ANKRD62: variants seen among roughly 807,000 people sequenced by gnomAD.
ANKRD62 encodes ankyrin repeat domain 62.
ANKRD62 carries 61 observed loss-of-function variants against 98.8 expected under a neutral mutation model. That is an observed-to-expected ratio of 0.62 (90% CI 0.50 to 0.76). ANKRD62 has a LOEUF of 0.76. Among genes scored for constraint, ANKRD62 ranks in the 30% least tolerant of loss-of-function variants. ANKRD62 has a pLI of 0.00. For synonymous variants in ANKRD62, 341 were observed against 367.9 expected (o/e 0.93, Z 0.84); for missense variants, 933 against 1,082.9 (o/e 0.86, Z 1.94).
At chr18:12,170,165 C>A in the ANKRD62 span, among the ~76,000 whole-genome samples, 1 of 152,316 alleles carries the variant, frequency 6.6e-6, no homozygotes, top group Non-Finnish European at 1.5e-5. Context: ...TTCTTGCCTT[C>A]TGCTAGCTTT....
chr18:12,174,204 T>G, the ANKRD62 span, among the ~76,000 whole-genome samples: 15 of 152,332 alleles, frequency 9.8e-5, no homozygotes, highest in African/African-American at 3.6e-4. Context: ...TTATTCTTGT[T>G]TTTCTTTCTG....
At chr18:12,123,819 C>T (rs1909831040) in intron 11 of ANKRD62, among the ~76,000 whole-genome samples, 2 of 152,182 alleles carry the variant, frequency 1.3e-5, no homozygotes, top group South Asian at 4.1e-4. Context: ...CTAAATGATT[C>T]ATCCTGACTG....
At chr18:12,167,945 A>G in the ANKRD62 span, among the ~76,000 whole-genome samples, 5 of 151,924 alleles carry the variant, frequency 3.3e-5, no homozygotes, top group Non-Finnish European at 7.4e-5. Flanking sequence ...AGAACTATCT[A>G]TTCATATGCT....
chr18:12,125,647 G>A lies in ANKRD62; in HGVS notation c.1826G>A (p.Arg609Gln), dbSNP rs771616879. Residue 609 changes from arginine to glutamine, a missense_variant, in exon 13 of 14, where the codon CGG becomes CAG. Arg to Gln is a conservative substitution (Grantham distance 43). Around this residue, in one of 3 missense-constraint regions of ANKRD62, gnomAD observed 362 missense variants for 434.5 expected, o/e 0.83. Transcript: ENST00000587848. ...GAAGACCTTGAAAAGACTCTCAAGC[G>A]GAATGAGGAAGCATTAACAAAAACA... ...NNEDLEKTLK[R>Q]NEEALTKTIT... is the part of the protein sequence containing the mutation. The A allele has an allele frequency of 6.4e-5, 98 of 1,530,254 alleles. No homozygotes were observed. Among genetic ancestry groups the A allele is most frequent in the Non-Finnish European group, 7.9e-5 (90 of 1,145,242 alleles). 94.8% of individuals were successfully genotyped at this position (1,530,254 alleles called of 1,614,324 possible).
chr18:12,114,990 T>C, intron 8 of ANKRD62, 98 bp from the exon 9 acceptor site: 1 of 948,974 alleles, frequency 1.1e-6, no homozygotes, highest in Non-Finnish European at 1.4e-6. Flanking sequence ...AGAGAGAAAC[T>C]ACAAACACAG....
downstream of ANKRD62, among the ~76,000 whole-genome samples, chr18:12,132,113 T>A (rs1382564464): frequency 6.6e-6 from 1 of 152,170 alleles, no homozygotes; most frequent in Non-Finnish European, 1.5e-5. Context: ...AACAATACTT[T>A]TTAGTTATTA....
rs1383413282 is a variant in ANKRD62 at position 12,097,749 on chromosome 18, G to T, written c.724G>T (p.Asp242Tyr). ...CQDISGWTAEDYAVASKFQAI... is the reference protein window; with the variant it reads ...CQDISGWTAEYYAVASKFQAI... Reference sequence around the variant, plus strand: ...AGATATATCTGGATGGACTGCAGAAGACTACGCTGTTGCTTCTAAGTTTCA... The same window carrying T: ...AGATATATCTGGATGGACTGCAGAATACTACGCTGTTGCTTCTAAGTTTCA... Residue 242 changes from aspartate (D) to tyrosine (Y), a missense_variant, in exon 5 of 14, where the codon GAC becomes TAC. Asp to Tyr is a radical substitution (Grantham distance 160, BLOSUM62 -3). Coordinates refer to ENST00000587848, the MANE Select transcript of ANKRD62 (RefSeq NM_001277333.2). 3.9e-6 allele frequency: 6 copies of T among 1,535,950 alleles called. No individual in the cohort carries two copies. Among genetic ancestry groups the T allele is most frequent in the Non-Finnish European group, 5.2e-6 (6 of 1,146,698 alleles).
chr18:12,100,271 CTA>C (rs1264814518), intron 6 of ANKRD62, among the ~76,000 whole-genome samples: 1 of 151,968 alleles, frequency 6.6e-6, no homozygotes, highest in Admixed American at 6.6e-5. Context: ...ATAAAGTAAA[CTA>C]GAGAAGAAGA....
the ANKRD62 span, among the ~76,000 whole-genome samples, chr18:12,162,607 T>C: frequency 1.3e-5 from 2 of 152,098 alleles, no homozygotes; most frequent in Non-Finnish European, 2.9e-5. Context: ...TCCAATGTCC[T>C]AGAGAGTTTC....
intron 8 of ANKRD62, among the ~76,000 whole-genome samples, chr18:12,108,271 T>C (rs922901954): frequency 5.3e-5 from 8 of 152,202 alleles, no homozygotes; most frequent in African/African-American, 1.7e-4. Context: ...AGAAGTTTAA[T>C]TGACTCACAG....
the ANKRD62 span, among the ~76,000 whole-genome samples, chr18:12,168,547 A>G: frequency 5.9e-5 from 9 of 152,150 alleles, no homozygotes; most frequent in East Asian, 3.9e-4. Context: ...GCCTTGTAGT[A>G]TAGTTTGAAG....
At position 12,094,144 on chromosome 18, in the gene ANKRD62, C is replaced by T. The variant is rs941848386; in HGVS notation, c.127C>T (p.His43Tyr). Reference protein sequence around the residue: ...RVRQKDLGMIHKAAIAGDVNK... With the variant: ...RVRQKDLGMIYKAAIAGDVNK... ...CCGGCAGAAGGATCTGGGCATGATC[C>T]ACAAAGCTGCCATCGCAGGTGATGT... Residue 43 changes from histidine to tyrosine, a missense_variant, in exon 1 of 14, where the codon CAC (histidine) becomes TAC (tyrosine). This residue lies in a region of ANKRD62 where 549 missense variants were observed against 587.9 expected (regional missense o/e 0.93). Transcript: ENST00000587848. 2.6e-6 allele frequency: 4 copies of T among 1,533,200 alleles called. No individual in the cohort carries two copies. Among genetic ancestry groups the T allele is most frequent in the African/African-American group, 2.8e-5 (2 of 72,042 alleles). The allele number at this position is 1,533,200 out of a possible 1,614,324, so 95.0% of individuals were successfully genotyped here.
At chr18:12,105,916 A>T (rs1909404055) in intron 7 of ANKRD62, among the ~76,000 whole-genome samples, 1 of 152,168 alleles carries the variant, frequency 6.6e-6, no homozygotes, top group Non-Finnish European at 1.5e-5. Context: ...CTAGGGTTTA[A>T]TTTTTCCCTA....
the ANKRD62 span, among the ~76,000 whole-genome samples, chr18:12,138,596 G>A: frequency 1.4e-4 from 21 of 152,174 alleles, no homozygotes; most frequent in Non-Finnish European, 2.5e-4. Flanking sequence ...ATTCCTGGAT[G>A]TCCTTGTTAA....
chr18:12,154,267 C>T, the ANKRD62 span, among the ~76,000 whole-genome samples: 1 of 152,074 alleles, frequency 6.6e-6, no homozygotes, highest in Non-Finnish European at 1.5e-5. Flanking sequence ...AGAACAAGCC[C>T]ATTAAAAAGT....
Position 12,107,452 on chromosome 18 carries a change from A to G in ANKRD62, c.1049A>G (p.Asn350Ser). ...PDNHQSPGKE[N>S]GEFDRLARKT... Reference sequence around the variant, plus strand: ...AATCATCAATCTCCTGGGAAGGAGAATGGCGAGTTTGATAGGTAATCCTGT... The same window carrying G: ...AATCATCAATCTCCTGGGAAGGAGAGTGGCGAGTTTGATAGGTAATCCTGT... The change falls in exon 8 of 14, where the codon AAT (asparagine) becomes AGT (serine). Residue 350 changes from asparagine to serine, a missense_variant. Around this residue, in one of 3 missense-constraint regions of ANKRD62, gnomAD observed 549 missense variants for 587.9 expected, o/e 0.93. Transcript: ENST00000587848. 6.6e-7 allele frequency: 1 copy of G among 1,505,524 alleles called. No homozygotes were observed. Among genetic ancestry groups the G allele is most frequent in the Non-Finnish European group, 8.8e-7 (1 of 1,132,636 alleles). 93.3% of individuals were successfully genotyped at this position (1,505,524 alleles called of 1,614,324 possible).
At chr18:12,155,054 A>G in the ANKRD62 span, among the ~76,000 whole-genome samples, 31 of 152,332 alleles carry the variant, frequency 2.0e-4, no homozygotes, top group African/African-American at 7.5e-4. Context: ...AATATGTACA[A>G]GAAACCCCTG....
intron 12 of ANKRD62, among the ~76,000 whole-genome samples, chr18:12,125,041 T>C (rs1430822238): frequency 6.6e-6 from 1 of 152,234 alleles, no homozygotes; most frequent in Non-Finnish European, 1.5e-5. Context: ...TGGAAAATTT[T>C]ATCTGTCCAG....
At chr18:12,150,096 ACAC>A in the ANKRD62 span, among the ~76,000 whole-genome samples, 1 of 152,260 alleles carries the variant, frequency 6.6e-6, no homozygotes, top group Non-Finnish European at 1.5e-5. Context: ...GGAAAAAAAA[ACAC>A]CACCACCACT....
Sources: allele counts gnomAD v4.1 joint callset (sites outside exome capture counted in the v4.1 genomes callset), GRCh38; gene constraint gnomAD v4.1.1; regional missense constraint gnomAD v4.1.1; transcripts MANE v1.5; gene names NCBI Gene and HGNC (gene_info 2026-07-23, HGNC 2026-07-21).